Variants in PLXDC2 observed in about 807,000 individuals in gnomAD.
The protein encoded by PLXDC2 is plexin domain containing 2.
A neutral mutation model predicts 68.9 loss-of-function variants in PLXDC2; 40 were observed. The observed-to-expected ratio is 0.58, with a 90% confidence interval of 0.45 to 0.76. The LOEUF is 0.76. Ranked by LOEUF, PLXDC2 falls within the 30% of genes least tolerant of loss-of-function variation. The probability of loss-of-function intolerance (pLI) is 0.00; values close to 1 mark genes in which losing one functional copy is unlikely to be tolerated. For synonymous variants in PLXDC2, 243 were observed against 234.2 expected (o/e 1.04, Z -0.34); for missense variants, 644 against 661.9 (o/e 0.97, Z 0.30).
intron 1 of PLXDC2, among the ~76,000 whole-genome samples, chr10:19,944,732 C>A (rs1022558780): frequency 6.6e-6 from 1 of 152,126 alleles, no homozygotes; most frequent in African/African-American, 2.4e-5. Context: ...GGGCAGATCA[C>A]CTGAGGTCAG....
intron 1 of PLXDC2, among the ~76,000 whole-genome samples, chr10:19,919,736 A>G (rs1197571021): frequency 6.6e-6 from 1 of 152,156 alleles, no homozygotes; most frequent in African/African-American, 2.4e-5. Context: ...GCCTTTTATT[A>G]TTAAATCTTG....
chr10:20,217,249 C>T (rs1223059456), intron 10 of PLXDC2, among the ~76,000 whole-genome samples, 177 bp from the exon 11 acceptor site: 1 of 152,094 alleles, frequency 6.6e-6, no homozygotes, highest in East Asian at 1.9e-4. Flanking sequence ...TTTCTCTTTC[C>T]TATTTTATAA....
chr10:20,125,796 T>C (rs1833765387), intron 4 of PLXDC2, among the ~76,000 whole-genome samples: 1 of 152,130 alleles, frequency 6.6e-6, no homozygotes, highest in South Asian at 2.1e-4. Context: ...GGATTAGTTT[T>C]AGCCTCATTT....
chr10:19,907,551 T>G (rs556618717), intron 1 of PLXDC2, among the ~76,000 whole-genome samples: 17 of 152,304 alleles, frequency 1.1e-4, no homozygotes, highest in African/African-American at 4.1e-4. Context: ...GCAATAGCAT[T>G]AAATATGATT....
At chr10:20,237,355 T>C (rs1284452589) in intron 12 of PLXDC2, among the ~76,000 whole-genome samples, 1 of 152,074 alleles carries the variant, frequency 6.6e-6, no homozygotes, top group Non-Finnish European at 1.5e-5. Flanking sequence ...TTAAAAAAAA[T>C]AGTATCACTG....
At chr10:20,160,647 A>AT (rs1033627518) in intron 6 of PLXDC2, among the ~76,000 whole-genome samples, 1 of 152,058 alleles carries the variant, frequency 6.6e-6, no homozygotes, top group African/African-American at 2.4e-5. Context: ...TTTCGGGTAA[A>AT]TTTTTCTCCT....
At chr10:19,891,192 A>G (rs1837954956) in intron 1 of PLXDC2, among the ~76,000 whole-genome samples, 1 of 152,206 alleles carries the variant, frequency 6.6e-6, no homozygotes, top group Non-Finnish European at 1.5e-5. Flanking sequence ...ATTGTCCTTA[A>G]AAACAACAAA....
intron 1 of PLXDC2, among the ~76,000 whole-genome samples, chr10:19,833,015 T>G (rs1836723470): frequency 6.6e-6 from 1 of 152,138 alleles, no homozygotes; most frequent in Admixed American, 6.5e-5. Context: ...TCATAATAAC[T>G]GTTGTCAAAA....
intron 10 of PLXDC2, among the ~76,000 whole-genome samples, chr10:20,214,190 T>C (rs906215448): frequency 6.6e-6 from 1 of 152,196 alleles, no homozygotes; most frequent in Non-Finnish European, 1.5e-5. Flanking sequence ...TGTATGATTT[T>C]TGTATATTCC....
chr10:20,087,754 A>T (rs968085482), intron 4 of PLXDC2, among the ~76,000 whole-genome samples: 2 of 152,258 alleles, frequency 1.3e-5, no homozygotes, highest in Non-Finnish European at 2.9e-5. Flanking sequence ...TTTGTTTTAA[A>T]AGAAAAATAA....
At chr10:20,251,208 T>C (rs1458203440) in intron 13 of PLXDC2, among the ~76,000 whole-genome samples, 1 of 152,146 alleles carries the variant, frequency 6.6e-6, no homozygotes, top group Non-Finnish European at 1.5e-5. Context: ...GACTGGGCAG[T>C]TTCTTCAACT....
At chr10:19,881,762 A>G (rs539069661) in intron 1 of PLXDC2, among the ~76,000 whole-genome samples, 2 of 152,326 alleles carry the variant, frequency 1.3e-5, no homozygotes, top group Admixed American at 6.5e-5. Flanking sequence ...ACTGCCAAAA[A>G]GTTCTGATAA....
chr10:20,112,950 T>C (rs992049518), intron 4 of PLXDC2, among the ~76,000 whole-genome samples: 3 of 152,208 alleles, frequency 2.0e-5, no homozygotes, highest in African/African-American at 4.8e-5. Flanking sequence ...CTTGAAGTGA[T>C]ATCTTTTTAT....
At chr10:20,191,546 G>A (rs1483235539) in intron 9 of PLXDC2, among the ~76,000 whole-genome samples, 1 of 150,918 alleles carries the variant, frequency 6.6e-6, no homozygotes, top group Non-Finnish European at 1.5e-5. Flanking sequence ...CACTAACACA[G>A]AGGTTTCTTT....
At chr10:19,966,142 G>A (rs1564641668) in intron 1 of PLXDC2, among the ~76,000 whole-genome samples, 1 of 148,044 alleles carries the variant, frequency 6.8e-6, no homozygotes, top group Admixed American at 6.7e-5. Context: ...TATATATATA[G>A]TATATATATA....
intron 4 of PLXDC2, among the ~76,000 whole-genome samples, chr10:20,077,510 A>G (rs1036298518): frequency 2.6e-5 from 4 of 152,190 alleles, no homozygotes; most frequent in African/African-American, 9.6e-5. Flanking sequence ...GGGTTAGACT[A>G]CTTTGTTGAT....
intron 5 of PLXDC2, 123 bp downstream of exon 5, chr10:20,143,540 C>A: frequency 1.7e-6 from 2 of 1,181,520 alleles, no homozygotes; most frequent in South Asian, 2.8e-5. Context: ...TGCAAATGGT[C>A]TGAGAGGACA....
intron 4 of PLXDC2, among the ~76,000 whole-genome samples, chr10:20,097,570 C>T: frequency 6.6e-6 from 1 of 151,666 alleles, no homozygotes; most frequent in African/African-American, 2.4e-5. Flanking sequence ...TTACTTGTAA[C>T]TTTTTTTTTC....
intron 2 of PLXDC2, among the ~76,000 whole-genome samples, chr10:20,017,963 A>G (rs1370352142): frequency 1.3e-5 from 2 of 152,220 alleles, no homozygotes; most frequent in Non-Finnish European, 2.9e-5. Context: ...GCCCAGCCTA[A>G]CAGGACAGCC....
Sources: gnomAD v4.1 joint callset for allele counts (sites outside exome capture counted in the v4.1 genomes callset) on GRCh38, gnomAD v4.1.1 for gene constraint, MANE v1.5 for transcripts, NCBI Gene and HGNC (gene_info 2026-07-23, HGNC 2026-07-21) for gene names.